STK17B: variants seen among roughly 807,000 people sequenced by gnomAD.
STK17B encodes serine/threonine-protein kinase 17B.
In STK17B, 21 loss-of-function variants were observed where a neutral mutation model predicts 42.0. The observed-to-expected ratio is 0.50, with a 90% confidence interval of 0.35 to 0.72. The LOEUF (loss-of-function observed/expected upper bound fraction) is 0.72. Ranked by LOEUF, STK17B falls within the 30% of genes least tolerant of loss-of-function variation. STK17B has a pLI of 0.00. For missense variants in STK17B, 349 were observed against 446.0 expected (o/e 0.78, Z 1.96); for synonymous variants, 143 against 148.4 (o/e 0.96, Z 0.26).
chr2:196,163,477 G>A (rs1699838912), intron 1 of STK17B, 50 bp from the exon 2 acceptor site: 3 of 1,395,644 alleles, frequency 2.1e-6, no homozygotes, highest in South Asian at 3.0e-5. Flanking sequence ...CAGGCAGGAT[G>A]TGCATTACAT....
chr2:196,173,297 G>C (rs1023611486), upstream of STK17B, among the ~76,000 whole-genome samples: 2 of 152,150 alleles, frequency 1.3e-5, no homozygotes, highest in South Asian at 4.1e-4. Flanking sequence ...ATCAGTTTCT[G>C]ACTTTAAGAA....
chr2:196,157,126 T>G (rs1699750355), intron 2 of STK17B, among the ~76,000 whole-genome samples: 1 of 148,008 alleles, frequency 6.8e-6, no homozygotes, highest in Non-Finnish European at 1.5e-5. Flanking sequence ...TACTCCAGCC[T>G]GGGTGACAGA....
At chr2:196,153,240 T>A (rs1409863752) in intron 3 of STK17B, 2 of 107,224 alleles carry the variant, frequency 1.9e-5, no homozygotes, top group Non-Finnish European at 4.0e-5. Context: ...ATAGTCTAAG[T>A]GCAAAAACAA....
At chr2:196,151,404 T>G (rs1298885205) in intron 3 of STK17B, 1 of 152,226 alleles carries the variant, frequency 6.6e-6, no homozygotes, top group Non-Finnish European at 1.5e-5. Flanking sequence ...GCTAATTTTC[T>G]GTATTTTTAG....
At chr2:196,175,455 G>A (rs1476740002), upstream of STK17B, among the ~76,000 whole-genome samples, 1 of 151,984 alleles carries the variant, frequency 6.6e-6, no homozygotes, top group Non-Finnish European at 1.5e-5. Flanking sequence ...GTGAAACCCC[G>A]TCTCTACTAA....
chr2:196,146,445 A>G (rs559735418), intron 3 of STK17B, among the ~76,000 whole-genome samples: 109 of 152,308 alleles, frequency 7.2e-4, no homozygotes, highest in African/African-American at 2.4e-3. Flanking sequence ...CAAAGGTTGC[A>G]GTGAGCCGAG....
At chr2:196,144,196 A>T (rs10167113) in intron 4 of STK17B, among the ~76,000 whole-genome samples, 46 of 26,830 alleles carry the variant, frequency 1.7e-3, no homozygotes, top group Admixed American at 0.016. Context: ...TTAAAAAATT[A>T]AAAAAAAAAA....
At chr2:196,170,269 C>T (rs537834538) in intron 1 of STK17B, among the ~76,000 whole-genome samples, 2 of 152,286 alleles carry the variant, frequency 1.3e-5, no homozygotes, top group Non-Finnish European at 2.9e-5. Flanking sequence ...GCTATGCTGT[C>T]TCCGCGCAGA....
At chr2:196,145,844 C>A in intron 4 of STK17B, 67 bp downstream of exon 4, 1 of 1,457,030 alleles carries the variant, frequency 6.9e-7, no homozygotes, top group Non-Finnish European at 9.1e-7. Flanking sequence ...TACCAGTTTG[C>A]AACTGTGCAT....
rs775470423 is a variant in STK17B, at chr2:196,137,444, G to C, written c.*3C>G. ...CAGTCCAAATGAGTCAAAGAAAAAA[G>C]TGCTAACAGAGCAAATCTGAAACAA... On this transcript the variant is annotated 3_prime_UTR_variant, in exon 8 of 8. Transcript: ENST00000263955. The C allele has an allele frequency of 1.2e-6, 2 of 1,612,092 alleles. No homozygotes were observed. Among genetic ancestry groups the C allele is most frequent in the Non-Finnish European group, 1.7e-6 (2 of 1,179,122 alleles).
At chr2:196,148,632 T>C (rs1485591320) in intron 3 of STK17B, among the ~76,000 whole-genome samples, 1 of 152,178 alleles carries the variant, frequency 6.6e-6, no homozygotes, top group African/African-American at 2.4e-5. Flanking sequence ...AATATGAATT[T>C]ACATATTTAC....
chr2:196,136,047 A>C lies in STK17B; in HGVS notation c.*1400T>G, dbSNP rs772314289. ...AAAAGTTTTAAGTTATTATTAAAGAATTTGGAAACTTACCAAAATTTTGAG... is the reference window on the plus strand; with the variant it reads ...AAAAGTTTTAAGTTATTATTAAAGACTTTGGAAACTTACCAAAATTTTGAG... On this transcript the variant is annotated 3_prime_UTR_variant, in exon 8 of 8. Transcript: ENST00000263955. 7.2e-5 allele frequency: 11 copies of C among 152,222 alleles called. No individual in the cohort carries two copies. Among genetic ancestry groups the C allele is most frequent in the Non-Finnish European group, 1.6e-4 (11 of 68,042 alleles). The allele number at this position is 152,222 out of a possible 1,614,324, so 9.4% of individuals were successfully genotyped here. A position where few individuals can be genotyped will look rare whatever the true frequency, so the allele number is the denominator to read the frequency against.
chr2:196,143,675 T>C lies in STK17B; in HGVS notation c.492A>G (p.Ile164Met). Residue 164 changes from isoleucine (I) to methionine (M), a missense_variant, in exon 5 of 8, where the codon ATA becomes ATG. By Grantham distance (10) the Ile-to-Met change is conservative. Transcript: ENST00000263955. ...IVHLDLKPQN[I>M]LLSSIYPLGD... is the part of the protein sequence containing the mutation. ...CGAGAGGGTATATGCTGCTCAGTAA[T>C]ATATTCTGTGGCTAAACAAAGTACA... 1 of 1,536,862 alleles carries C rather than the reference T, an allele frequency of 6.5e-7. No homozygotes were observed. Among genetic ancestry groups the C allele is most frequent in the Non-Finnish European group, 8.7e-7 (1 of 1,144,320 alleles).
intron 3 of STK17B, among the ~76,000 whole-genome samples, chr2:196,152,765 A>G (rs899833236): frequency 4.6e-5 from 7 of 152,224 alleles, no homozygotes; most frequent in African/African-American, 1.7e-4. Flanking sequence ...TTAAATATAT[A>G]CAAGTTTGCT....
At chr2:196,147,214 C>A (rs541294405) in intron 3 of STK17B, among the ~76,000 whole-genome samples, 11 of 152,204 alleles carry the variant, frequency 7.2e-5, no homozygotes, top group African/African-American at 2.6e-4. Flanking sequence ...CAAGTATATT[C>A]TATTTGATAA....
At chr2:196,151,744 A>C (rs1480596272) in intron 3 of STK17B, among the ~76,000 whole-genome samples, 1 of 152,180 alleles carries the variant, frequency 6.6e-6, no homozygotes, top group East Asian at 1.9e-4. Flanking sequence ...GGAATGACTC[A>C]ATTATCCTCA....
chr2:196,151,888 A>G (rs181459834), intron 3 of STK17B, among the ~76,000 whole-genome samples: 2 of 152,352 alleles, frequency 1.3e-5, no homozygotes, highest in Admixed American at 1.3e-4. Flanking sequence ...CTTTCCTATG[A>G]ACTATGTATT....
Position 196,139,681 on chromosome 2 carries a change from A to C in STK17B, c.775T>G (p.Phe259Val). 1 of 1,473,818 alleles carries C rather than the reference A, an allele frequency of 6.8e-7. No individual in the cohort carries two copies. 91.3% of individuals were successfully genotyped at this position (1,473,818 alleles called of 1,614,324 possible). A position where few individuals can be genotyped will look rare whatever the true frequency, so the allele number is the denominator to read the frequency against. The change falls in exon 7 of 8, where the codon TTT becomes GTT. Residue 259 changes from phenylalanine (F) to valine (V), a missense_variant. By Grantham distance (50) the Phe-to-Val change is conservative (BLOSUM62 -1). This residue lies in a region of STK17B where 256 missense variants were observed against 347.7 expected (regional missense o/e 0.74). Coordinates refer to ENST00000263955, the MANE Select transcript of STK17B (RefSeq NM_004226.4). ...QVNVDYSEETFSSVSQLATDF... is the reference protein window; with the variant it reads ...QVNVDYSEETVSSVSQLATDF... ...GTGGCCAGCTGTGAAACTGATGAAA[A>C]AGTTTCTTCCGAATAATCTACATTA... is the stretch of plus-strand genomic sequence containing the variant.
At position 196,156,537 on chromosome 2, in the gene STK17B, G is replaced by A. The variant is rs778416237; in HGVS notation, c.237C>T (p.His79=). Residue 79 remains histidine (H), a synonymous_variant, in exon 3 of 8, where the codon CAC becomes CAT. Transcript: ENST00000263955. ...RGQDCRAEIL[H]EIAVLELAKS... is the part of the protein sequence containing the mutation. Reference sequence around the variant, plus strand: ...TTGCCAATTCAAGCACAGCAATCTCGTGTAAAATTTCTGCTCGACAATCCT... The same window carrying A: ...TTGCCAATTCAAGCACAGCAATCTCATGTAAAATTTCTGCTCGACAATCCT... 2.0e-5 allele frequency: 32 copies of A among 1,613,870 alleles called. No homozygotes were observed. The highest frequency in any genetic ancestry group is 6.7e-5 in the East Asian group (3 of 44,860).
Sources: gnomAD v4.1 joint callset for allele counts (sites outside exome capture counted in the v4.1 genomes callset) on GRCh38, gnomAD v4.1.1 for gene constraint, gnomAD v4.1.1 regional missense constraint, MANE v1.5 for transcripts, NCBI Gene and HGNC (gene_info 2026-07-23, HGNC 2026-07-21) for gene names.